The following TBC1D19 variants were observed in gnomAD, a reference collection of about 807,000 sequenced individuals.
TBC1D19 encodes TBC1 domain family member 19, also known as TBC1 domain family, member 19.
Under a neutral mutation model 89.0 loss-of-function variants are expected in TBC1D19, and 60 were observed. The observed-to-expected ratio is 0.67, with a 90% CI of 0.55 to 0.84. TBC1D19 has a LOEUF of 0.84. TBC1D19 is among the 40% of genes least tolerant of loss of function. TBC1D19 has a pLI of 0.00. For synonymous variants in TBC1D19, 189 were observed against 199.7 expected, an observed-to-expected ratio of 0.95 and a Z score of 0.45; for missense variants, 500 against 610.8, an observed-to-expected ratio of 0.82 and a Z score of 1.91.
At chr4:26,689,736 T>C in intron 13 of TBC1D19, among the ~76,000 whole-genome samples, 1 of 152,196 alleles carries the variant, frequency 6.6e-6, no homozygotes, top group East Asian at 1.9e-4. Context: ...GATAAATGCA[T>C]GTGTTCTGAT....
the TBC1D19 span, among the ~76,000 whole-genome samples, chr4:26,784,990 A>G: frequency 6.6e-6 from 1 of 152,232 alleles, no homozygotes; most frequent in Non-Finnish European, 1.5e-5. Flanking sequence ...CATGCTAAGC[A>G]TTGGGCCTAG....
chr4:26,759,673 G>A (rs1227564209), downstream of TBC1D19, among the ~76,000 whole-genome samples: 1 of 151,972 alleles, frequency 6.6e-6, no homozygotes, highest in African/African-American at 2.4e-5. Context: ...TGTCCCTAAA[G>A]ATTAGATTCA....
the TBC1D19 span, among the ~76,000 whole-genome samples, chr4:26,776,033 C>T: frequency 6.6e-6 from 1 of 152,122 alleles, no homozygotes; most frequent in African/African-American, 2.4e-5. Flanking sequence ...TGAAAGCTTA[C>T]TTGCCATCAG....
At chr4:26,584,424 G>A (rs1185382221) in intron 1 of TBC1D19, 132 bp downstream of exon 1, 2 of 705,426 alleles carry the variant, frequency 2.8e-6, no homozygotes, top group South Asian at 1.9e-5. Context: ...AAAACAAACA[G>A]ACAAAAACAA....
chr4:26,735,057 TATGTATATATGTATACAC>T (rs1482630014), intron 15 of TBC1D19, among the ~76,000 whole-genome samples: 65 of 150,412 alleles, frequency 4.3e-4, no homozygotes, highest in African/African-American at 6.7e-4. Flanking sequence ...CACATGTATA[TATGTATATATGTATACAC>T]ATGTATATAT....
At chr4:26,603,079 A>G (rs925651307) in intron 1 of TBC1D19, among the ~76,000 whole-genome samples, 1 of 152,208 alleles carries the variant, frequency 6.6e-6, no homozygotes, top group Admixed American at 6.5e-5. Context: ...GTATTTTCTC[A>G]AAAATGGCAA....
intron 3 of TBC1D19, among the ~76,000 whole-genome samples, chr4:26,620,240 T>C (rs1016019414): frequency 1.2e-4 from 18 of 152,334 alleles, no homozygotes; most frequent in African/African-American, 4.1e-4. Context: ...GGTTTAAATA[T>C]AAAATCCCCA....
chr4:26,588,605 A>G (rs1739577611), intron 1 of TBC1D19, among the ~76,000 whole-genome samples: 1 of 152,058 alleles, frequency 6.6e-6, no homozygotes, highest in Non-Finnish European at 1.5e-5. Flanking sequence ...GATATAGTCT[A>G]TTGCCATTTT....
At chr4:26,714,769 A>G (rs1034219854) in intron 13 of TBC1D19, among the ~76,000 whole-genome samples, 1 of 152,090 alleles carries the variant, frequency 6.6e-6, no homozygotes, top group Admixed American at 6.6e-5. Flanking sequence ...TACCTTTTCT[A>G]GAAACAGTTT....
At chr4:26,595,753 A>G (rs769907708) in intron 1 of TBC1D19, among the ~76,000 whole-genome samples, 3 of 152,002 alleles carry the variant, frequency 2.0e-5, no homozygotes, top group Non-Finnish European at 4.4e-5. Context: ...CATTTGTCAA[A>G]AATGAGTTGG....
intron 11 of TBC1D19, among the ~76,000 whole-genome samples, chr4:26,678,761 A>G (rs916115830): frequency 3.3e-5 from 5 of 152,214 alleles, no homozygotes; most frequent in Non-Finnish European, 7.3e-5. Flanking sequence ...TGAGCTCACT[A>G]GGAATTTCCT....
At chr4:26,582,792 A>C (rs1739135433), upstream of TBC1D19, among the ~76,000 whole-genome samples, 1 of 152,142 alleles carries the variant, frequency 6.6e-6, no homozygotes, top group African/African-American at 2.4e-5. Flanking sequence ...CAACTTTACC[A>C]AATTATTTAG....
chr4:26,585,166 G>C, intron 1 of TBC1D19: 1 of 446,632 alleles, frequency 2.2e-6, no homozygotes, highest in South Asian at 1.6e-5. Context: ...ACCTAGGATT[G>C]GAATTGCTGA....
At chr4:26,584,325 G>T in intron 1 of TBC1D19, 33 bp downstream of exon 1, 1 of 1,577,064 alleles carries the variant, frequency 6.3e-7, no homozygotes, top group Non-Finnish European at 8.6e-7. Context: ...GGATGCAGAC[G>T]GGCGGGGCCG....
intron 13 of TBC1D19, 103 bp downstream of exon 13, chr4:26,688,510 A>G (rs1714007714): frequency 7.8e-7 from 1 of 1,285,860 alleles, no homozygotes; most frequent in Non-Finnish European, 1.0e-6. Flanking sequence ...TTTGTAATCC[A>G]TGGCATGCTT....
At chr4:26,765,893 A>T in the TBC1D19 span, among the ~76,000 whole-genome samples, 1 of 152,152 alleles carries the variant, frequency 6.6e-6, no homozygotes, top group Non-Finnish European at 1.5e-5. Context: ...AGACAAAATA[A>T]TTCCTCCTTT....
chr4:26,799,399 G>T, the TBC1D19 span, among the ~76,000 whole-genome samples: 1 of 152,276 alleles, frequency 6.6e-6, no homozygotes, highest in Admixed American at 6.5e-5. Context: ...TTTAATTAAG[G>T]TTGGAAACTC....
chr4:26,733,156 T>A (rs771016056), intron 15 of TBC1D19, among the ~76,000 whole-genome samples: 1 of 152,208 alleles, frequency 6.6e-6, no homozygotes. Context: ...ATTCTGAAGA[T>A]GGTTGGCCTG....
intron 4 of TBC1D19, among the ~76,000 whole-genome samples, chr4:26,625,922 T>C (rs1264926016): frequency 6.6e-6 from 1 of 152,098 alleles, no homozygotes; most frequent in Admixed American, 6.6e-5. Flanking sequence ...ACTGTAATGT[T>C]ACTCTTTTTC....
Sources: gnomAD v4.1 joint callset for allele counts (sites outside exome capture counted in the v4.1 genomes callset) on GRCh38, gnomAD v4.1.1 for gene constraint, MANE v1.5 for transcripts, NCBI Gene and HGNC (gene_info 2026-07-23, HGNC 2026-07-21) for gene names.